The following ERC2 variants were observed in gnomAD, a reference collection of about 807,000 sequenced individuals.
ERC2 encodes ERC protein 2.
Under a neutral mutation model 114.8 loss-of-function variants are expected in ERC2, and 42 were observed. The ratio of observed to expected loss-of-function variants is 0.37; its 90% CI spans 0.29 to 0.47. ERC2 has a LOEUF of 0.47. ERC2 is among the 20% of genes least tolerant of loss of function. ERC2 has a pLI of 0.99. For missense variants in ERC2, 939 were observed against 1,150.7 expected (o/e 0.82, Z 2.66); for synonymous variants, 454 against 425.5 (o/e 1.07, Z -0.82).
intron 16 of ERC2, among the ~76,000 whole-genome samples, chr3:55,685,046 G>T (rs1027383323): frequency 2.0e-5 from 3 of 152,200 alleles, no homozygotes; most frequent in African/African-American, 7.2e-5. Context: ...GTTTCATACA[G>T]TTCCACCTAA....
At chr3:55,847,950 C>T (rs560860573) in intron 14 of ERC2, among the ~76,000 whole-genome samples, 1 of 152,186 alleles carries the variant, frequency 6.6e-6, no homozygotes, top group East Asian at 1.9e-4. Context: ...AGATGTGCCA[C>T]CACGCCTGGC....
chr3:55,899,644 C>T (rs188113565), intron 13 of ERC2, among the ~76,000 whole-genome samples: 1 of 152,026 alleles, frequency 6.6e-6, no homozygotes, highest in African/African-American at 2.4e-5. Flanking sequence ...AGGAAAGATG[C>T]TCATGAAATC....
intron 17 of ERC2, among the ~76,000 whole-genome samples, chr3:55,680,413 C>T (rs930151081): frequency 2.0e-5 from 3 of 152,146 alleles, no homozygotes; most frequent in Non-Finnish European, 2.9e-5. Context: ...CATTGATGTT[C>T]GCAAACCCGA....
chr3:55,606,587 G>A (rs1050260341), intron 17 of ERC2: 2 of 152,150 alleles, frequency 1.3e-5, no homozygotes, highest in Admixed American at 6.5e-5. Context: ...CTAGATTATT[G>A]TTCTACACTG....
Position 56,045,335 on chromosome 3 carries a change from T to C in ERC2, c.1642-26304A>G, listed in dbSNP as rs9311593. Among the ~76,000 whole-genome samples the C allele has an allele frequency of 7.2e-3, 1,102 of 152,276 alleles. 13 individuals carry two copies. The highest frequency in any genetic ancestry group is 0.025 in the African/African-American group (1,043 of 41,530). On this transcript the variant is annotated intron_variant, in intron 7 of 17. Coordinates refer to ENST00000288221, the MANE Select transcript of ERC2 (RefSeq NM_015576.3). Reference sequence around the variant, plus strand: ...TTCAATTAGATTCACAAGCATGACCTGTGGGAAGATAATTTACTAATTTAG... The same window carrying C: ...TTCAATTAGATTCACAAGCATGACCCGTGGGAAGATAATTTACTAATTTAG...
At chr3:55,808,740 TATAA>T (rs1430850192) in intron 14 of ERC2, among the ~76,000 whole-genome samples, 11 of 82,754 alleles carry the variant, frequency 1.3e-4, no homozygotes, top group Non-Finnish European at 2.2e-4. Context: ...TATATATATA[TATAA>T]CGTATAACTA....
chr3:55,548,710 G>A (rs1299289360), intron 17 of ERC2, among the ~76,000 whole-genome samples: 1 of 152,192 alleles, frequency 6.6e-6, no homozygotes, highest in African/African-American at 2.4e-5. Context: ...CTGGAACTCA[G>A]TTTTTCTACT....
chr3:56,045,243 T>C (rs2075397246), intron 7 of ERC2, among the ~76,000 whole-genome samples: 1 of 152,146 alleles, frequency 6.6e-6, no homozygotes, highest in Non-Finnish European at 1.5e-5. Flanking sequence ...TAAAGGCAAA[T>C]TTGCAAATTT....
At chr3:55,546,887 G>T (rs1373523347) in intron 17 of ERC2, among the ~76,000 whole-genome samples, 1 of 152,214 alleles carries the variant, frequency 6.6e-6, no homozygotes, top group Non-Finnish European at 1.5e-5. Context: ...TCTCTCCTGA[G>T]GTCTGAAGCT....
rs188317803 is a variant in ERC2 at position 55,829,154 on chromosome 3, A to G, written c.2564+59235T>C. 9.6e-4 allele frequency among the ~76,000 whole-genome samples: 146 copies of G among 152,286 alleles called. 1 individual carries two copies. Among genetic ancestry groups the G allele is most frequent in the African/African-American group, 3.5e-3 (145 of 41,560 alleles). On this transcript the variant is annotated intron_variant, in intron 14 of 17. Transcript: ENST00000288221. ...TCAAAAAAAATTTAGAATCCTTGAC[A>G]TATAAAAAATAGGAAAGTGTAACCA... is the stretch of plus-strand genomic sequence containing the variant.
intron 1 of ERC2, among the ~76,000 whole-genome samples, chr3:56,461,855 C>T (rs2063332937): frequency 6.6e-6 from 1 of 152,024 alleles, no homozygotes; most frequent in Non-Finnish European, 1.5e-5. Context: ...GTTTTAACAG[C>T]TGAAAAACAT....
chr3:55,662,789 T>C (rs1307254757), intron 17 of ERC2, among the ~76,000 whole-genome samples: 1 of 152,192 alleles, frequency 6.6e-6, no homozygotes, highest in Admixed American at 6.5e-5. Context: ...TATGATGTTA[T>C]TTGATGTTTC....
At chr3:56,083,572 A>C (rs1365585976) in intron 6 of ERC2, among the ~76,000 whole-genome samples, 3 of 152,174 alleles carry the variant, frequency 2.0e-5, no homozygotes, top group Non-Finnish European at 4.4e-5. Context: ...AAATTTGAAA[A>C]ATATATGAAT....
chr3:56,390,390 T>G (rs907496433), intron 2 of ERC2, among the ~76,000 whole-genome samples: 1 of 152,196 alleles, frequency 6.6e-6, no homozygotes, highest in Non-Finnish European at 1.5e-5. Flanking sequence ...TAACACTAGG[T>G]CATTCTCCCC....
intron 15 of ERC2, among the ~76,000 whole-genome samples, chr3:55,711,115 C>T (rs2063755716): frequency 6.6e-6 from 1 of 152,158 alleles, no homozygotes; most frequent in South Asian, 2.1e-4. Context: ...TTCTTTCAGT[C>T]TAAACAGCAT....
At chr3:56,085,115 A>C (rs2077436799) in intron 6 of ERC2, among the ~76,000 whole-genome samples, 1 of 152,188 alleles carries the variant, frequency 6.6e-6, no homozygotes, top group African/African-American at 2.4e-5. Context: ...TAAAGGCAGG[A>C]ATCCGTTTTT....
chr3:55,778,618 A>G (rs2149044725), intron 14 of ERC2, among the ~76,000 whole-genome samples: 1 of 152,356 alleles, frequency 6.6e-6, no homozygotes, highest in East Asian at 1.9e-4. Context: ...AATGTCAATT[A>G]GATAAGCACA....
chr3:56,310,476 G>A (rs2056472002), intron 2 of ERC2, among the ~76,000 whole-genome samples: 1 of 152,072 alleles, frequency 6.6e-6, no homozygotes, highest in South Asian at 2.1e-4. Context: ...AACCATCTAA[G>A]TACTTTTCAG....
intron 3 of ERC2, among the ~76,000 whole-genome samples, chr3:56,285,158 T>C (rs577331416): frequency 6.9e-4 from 97 of 140,564 alleles, no homozygotes; most frequent in African/African-American, 2.3e-3. Flanking sequence ...GGAGTCAGAC[T>C]CCGGGTGAAG....
Sources: gnomAD v4.1 joint callset for allele counts (sites outside exome capture counted in the v4.1 genomes callset) on GRCh38, gnomAD v4.1.1 for gene constraint, MANE v1.5 for transcripts, NCBI Gene and HGNC (gene_info 2026-07-23, HGNC 2026-07-21) for gene names.